Variants in SLC45A4 observed in about 807,000 individuals in gnomAD.
SLC45A4 encodes polyamine-transporter SLC45A4.
Under a neutral mutation model 63.7 loss-of-function variants are expected in SLC45A4, and 32 were observed. The observed-to-expected ratio is 0.50, with a 90% CI of 0.38 to 0.67. The LOEUF (loss-of-function observed/expected upper bound fraction) is 0.67, where lower values mean the gene tolerates loss of function less well. Among genes scored for constraint, SLC45A4 ranks in the 30% least tolerant of loss-of-function variants. The pLI is 0.00. For missense variants in SLC45A4, 1,027 were observed against 1,157.7 expected (o/e 0.89, Z 1.64); for synonymous variants, 535 against 510.0 (o/e 1.05, Z -0.66).
At chr8:141,273,434 A>C (rs1170806937) in intron 1 of SLC45A4, among the ~76,000 whole-genome samples, 1 of 152,206 alleles carries the variant, frequency 6.6e-6, no homozygotes, top group Non-Finnish European at 1.5e-5. Flanking sequence ...AATGCCCATA[A>C]GCCCTAGGAT....
At chr8:141,287,411 C>T (rs540236001) in intron 1 of SLC45A4, among the ~76,000 whole-genome samples, 4 of 152,280 alleles carry the variant, frequency 2.6e-5, no homozygotes, top group South Asian at 4.1e-4. Context: ...ATAACCCACA[C>T]GCAGGGCACG....
At chr8:141,293,449 G>A (rs6988549) in intron 1 of SLC45A4, among the ~76,000 whole-genome samples, 6,535 of 150,516 alleles carry the variant, frequency 0.043, 192 homozygotes, top group Middle Eastern at 0.087. Flanking sequence ...ATGAGACTCC[G>A]TCTCGAAGAA....
chr8:141,240,180 C>T (rs1395876876), intron 2 of SLC45A4, among the ~76,000 whole-genome samples: 1 of 152,228 alleles, frequency 6.6e-6, no homozygotes, highest in East Asian at 1.9e-4. Flanking sequence ...AACCTGACTT[C>T]CCCCACAAAT....
intron 1 of SLC45A4, among the ~76,000 whole-genome samples, chr8:141,287,257 AG>A (rs1830182053): frequency 6.6e-6 from 1 of 152,234 alleles, no homozygotes; most frequent in South Asian, 2.1e-4. Context: ...TTTCTTCAAA[AG>A]ACTGATTTTA....
intron 1 of SLC45A4, among the ~76,000 whole-genome samples, chr8:141,287,242 C>T (rs999378445): frequency 5.3e-5 from 8 of 152,226 alleles, no homozygotes; most frequent in African/African-American, 1.9e-4. Context: ...CAGCACAGCT[C>T]ATGCTTTCTT....
At chr8:141,270,014 G>A (rs1313914362) in intron 1 of SLC45A4, among the ~76,000 whole-genome samples, 2 of 152,038 alleles carry the variant, frequency 1.3e-5, no homozygotes, top group African/African-American at 4.8e-5. Context: ...CCCAGACAGT[G>A]CCCTGAAGTC....
In SLC45A4 at chr8:141,211,468, G is replaced by C; in HGVS notation, c.*104C>G. On this transcript the variant is annotated 3_prime_UTR_variant, in exon 9 of 9. Coordinates refer to ENST00000517878, the MANE Select transcript of SLC45A4 (RefSeq NM_001286646.2). ...CACTGTCTTCTGCCCAGGCCCCCCG[G>C]ACCAGCCTCCTCCCAGCTTTGGTGT... is the stretch of plus-strand genomic sequence containing the variant. The C allele has an allele frequency of 6.2e-7, 1 of 1,600,524 alleles. No homozygotes were observed. Among genetic ancestry groups the C allele is most frequent in the South Asian group, 1.1e-5 (1 of 89,402 alleles).
At chr8:141,299,068 G>A (rs1285617754) in intron 1 of SLC45A4, among the ~76,000 whole-genome samples, 1 of 152,186 alleles carries the variant, frequency 6.6e-6, no homozygotes, top group Non-Finnish European at 1.5e-5. Flanking sequence ...CTGTCTAGCA[G>A]CGTGAGTGCT....
intron 1 of SLC45A4, among the ~76,000 whole-genome samples, chr8:141,294,036 G>T (rs1280925275): frequency 6.6e-6 from 1 of 152,200 alleles, no homozygotes. Context: ...GAGACATCTG[G>T]TTTGGGGATT....
chr8:141,219,805 T>A lies in SLC45A4; in HGVS notation c.455A>T (p.Asn152Ile), dbSNP rs61995884. The A allele has an allele frequency of 4.6e-5, 73 of 1,590,150 alleles. No homozygotes were observed. Among genetic ancestry groups the A allele is most frequent in the East Asian group, 7.0e-5 (3 of 43,142 alleles). The change falls in exon 4 of 9, where the codon AAC (asparagine) becomes ATC (isoleucine). Residue 152 changes from asparagine (N) to isoleucine (I), a missense_variant. Physicochemically the swap from Asn to Ile is moderately radical, Grantham distance 149 (BLOSUM62 -3). Transcript: ENST00000517878. Reference sequence around the variant, plus strand: ...GAGCACGATGCCAATGGGCTGCCGGTTGGGGACATCGCCGAGGGCCAGACC... The same window carrying A: ...GAGCACGATGCCAATGGGCTGCCGGATGGGGACATCGCCGAGGGCCAGACC... ...AIGLALGDVP[N>I]RQPIGIVLTV...
At position 141,308,107 on chromosome 8, in the gene SLC45A4, G is replaced by A. The variant is rs1830959739; in HGVS notation, c.-412C>T. On this transcript the variant is annotated 5_prime_UTR_variant, in exon 1 of 9. Coordinates refer to ENST00000517878, the MANE Select transcript of SLC45A4 (RefSeq NM_001286646.2). ...GGCAGGCCACTCACCTGTCTCCTCC[G>A]GCCGGGGCCGCGGGGGCGGCGGGGC... 2 of 148,628 alleles carry A rather than the reference G, an allele frequency of 1.3e-5. No homozygotes were observed. The highest frequency in any genetic ancestry group is 3.0e-5 in the Non-Finnish European group (2 of 66,322). 9.2% of individuals were successfully genotyped at this position (148,628 alleles called of 1,614,324 possible).
chr8:141,211,351 G>A lies in SLC45A4; in HGVS notation c.*221C>T, dbSNP rs753072169. ...GCTGGGCGCAGACACACTCACACGC[G>A]CACGCAGGAGCTCGTCTGGAGCTCA... On this transcript the variant is annotated 3_prime_UTR_variant, in exon 9 of 9. Transcript: ENST00000517878. The A allele has an allele frequency of 4.0e-5, 56 of 1,392,904 alleles. No individual in the cohort carries two copies. The highest frequency in any genetic ancestry group is 1.2e-4 in the African/African-American group (8 of 68,790). The allele number at this position is 1,392,904 out of a possible 1,614,324, so 86.3% of individuals were successfully genotyped here. A position where few individuals can be genotyped will look rare whatever the true frequency, so the allele number is the denominator to read the frequency against.
chr8:141,274,053 C>T (rs1216728658), intron 1 of SLC45A4, among the ~76,000 whole-genome samples: 5 of 150,208 alleles, frequency 3.3e-5, no homozygotes. Flanking sequence ...CACAGTGAAA[C>T]CTCGTCTCTA....
At chr8:141,277,843 C>T (rs1352952723) in intron 1 of SLC45A4, among the ~76,000 whole-genome samples, 2 of 151,962 alleles carry the variant, frequency 1.3e-5, no homozygotes, top group Non-Finnish European at 1.5e-5. Context: ...GGGGTTTCAC[C>T]GTGTTAGCCA....
At chr8:141,243,207 G>C (rs1828001761) in intron 2 of SLC45A4, among the ~76,000 whole-genome samples, 1 of 152,206 alleles carries the variant, frequency 6.6e-6, no homozygotes, top group Non-Finnish European at 1.5e-5. Context: ...CCAAGACACT[G>C]CATGTGGCTC....
At chr8:141,230,375 G>A (rs574206714) in intron 2 of SLC45A4, 17 of 339,548 alleles carry the variant, frequency 5.0e-5, no homozygotes, top group East Asian at 8.0e-5. Context: ...GGAAGCGGCC[G>A]CAAAGACCCA....
intron 1 of SLC45A4, among the ~76,000 whole-genome samples, chr8:141,302,283 A>G: frequency 6.6e-6 from 1 of 152,160 alleles, no homozygotes; most frequent in Non-Finnish European, 1.5e-5. Context: ...AGATGGAGAC[A>G]GAGGCTTGCT....
At chr8:141,212,855 G>A (rs1044788692) in intron 7 of SLC45A4, among the ~76,000 whole-genome samples, 15 of 152,184 alleles carry the variant, frequency 9.9e-5, no homozygotes, top group African/African-American at 2.7e-4. Context: ...GAGGTGGCAG[G>A]GCCAGGCTCC....
chr8:141,228,094 G>T, intron 2 of SLC45A4: 1 of 1,545,996 alleles, frequency 6.5e-7, no homozygotes, highest in Non-Finnish European at 8.9e-7. Flanking sequence ...GGAGCTGTTG[G>T]GTGCCCGAGA....
Sources: allele counts gnomAD v4.1 joint callset (sites outside exome capture counted in the v4.1 genomes callset), GRCh38; gene constraint gnomAD v4.1.1; transcripts MANE v1.5; gene names NCBI Gene and HGNC (gene_info 2026-07-23, HGNC 2026-07-21).